Variants in RORB observed in about 807,000 individuals in gnomAD.
RORB encodes RAR related orphan receptor B.
A neutral mutation model predicts 59.1 loss-of-function variants in RORB; 6 were observed. The ratio of observed to expected loss-of-function variants is 0.10; its 90% CI spans 0.06 to 0.20. The LOEUF is 0.20. Among genes scored for constraint, RORB ranks in the 10% least tolerant of loss-of-function variants. The probability of loss-of-function intolerance (pLI) is 1.00; values close to 1 mark genes in which losing one functional copy is unlikely to be tolerated. For synonymous variants in RORB, 215 were observed against 204.5 expected, an observed-to-expected ratio of 1.05 and a Z score of -0.44; for missense variants, 320 against 560.5, an observed-to-expected ratio of 0.57 and a Z score of 4.33.
chr9:74,593,525 G>A (rs143932821), intron 1 of RORB, among the ~76,000 whole-genome samples: 54 of 150,954 alleles, frequency 3.6e-4, no homozygotes, highest in African/African-American at 1.2e-3. Flanking sequence ...AAAATAGGTA[G>A]CAAAGTTCAT....
chr9:74,634,169 C>G (rs143141079), intron 2 of RORB, among the ~76,000 whole-genome samples: 1 of 151,582 alleles, frequency 6.6e-6, no homozygotes, highest in African/African-American at 2.4e-5. Flanking sequence ...ACTAAGAAAA[C>G]AGTAGTGCAT....
chr9:74,630,441 GT>G, intron 2 of RORB, 74 bp downstream of exon 2: 1 of 958,204 alleles, frequency 1.0e-6, no homozygotes, highest in Non-Finnish European at 1.4e-6. Flanking sequence ...GCGGTGACAC[GT>G]TTTTAAGGAA....
intron 1 of RORB, among the ~76,000 whole-genome samples, chr9:74,567,168 C>A (rs972013145): frequency 6.6e-6 from 1 of 151,986 alleles, no homozygotes; most frequent in Admixed American, 6.6e-5. Context: ...TGGAAATACA[C>A]GCACACACCA....
At chr9:74,602,050 G>C (rs1171234032) in intron 1 of RORB, among the ~76,000 whole-genome samples, 1 of 152,072 alleles carries the variant, frequency 6.6e-6, no homozygotes, top group Non-Finnish European at 1.5e-5. Context: ...CTGAGCCAGG[G>C]GCCCCACTAT....
intron 1 of RORB, among the ~76,000 whole-genome samples, chr9:74,507,579 A>G (rs1363682516): frequency 6.6e-6 from 1 of 152,066 alleles, no homozygotes; most frequent in Non-Finnish European, 1.5e-5. Context: ...TAAAAATGTT[A>G]GCATATAGCT....
At chr9:74,591,462 A>G (rs563827283) in intron 1 of RORB, among the ~76,000 whole-genome samples, 1 of 152,374 alleles carries the variant, frequency 6.6e-6, no homozygotes, top group South Asian at 2.1e-4. Context: ...CACTGTAGTT[A>G]CAAAGAAAAG....
intron 1 of RORB, among the ~76,000 whole-genome samples, chr9:74,626,523 C>T (rs1273486654): frequency 6.6e-6 from 1 of 152,188 alleles, no homozygotes; most frequent in Admixed American, 6.5e-5. Flanking sequence ...CAAGCCATCT[C>T]TCAGGGCATT....
At position 74,656,411 on chromosome 9, in the gene RORB, A is replaced by G. The variant is rs73547396; in HGVS notation, c.638-4206A>G. Among the ~76,000 whole-genome samples, 554 of 152,262 alleles carry G rather than the reference A, an allele frequency of 3.6e-3. 3 individuals carry two copies. Among genetic ancestry groups the G allele is most frequent in the African/African-American group, 0.013 (540 of 41,548 alleles). On this transcript the variant is annotated intron_variant, in intron 4 of 9. Transcript: ENST00000376896. ...TTCATGTACTCACTAATGCCATCTCATCTTTGCCATGACTAAAGTCACCTT... is the reference window on the plus strand; with the variant it reads ...TTCATGTACTCACTAATGCCATCTCGTCTTTGCCATGACTAAAGTCACCTT...
intron 3 of RORB, among the ~76,000 whole-genome samples, chr9:74,640,252 G>GT (rs1787856899): frequency 6.6e-6 from 1 of 152,022 alleles, no homozygotes; most frequent in Non-Finnish European, 1.5e-5. Flanking sequence ...GTTTTGTTTT[G>GT]TTTTTTGAGA....
chr9:74,639,441 T>C (rs1676879401), intron 3 of RORB, among the ~76,000 whole-genome samples: 1 of 151,898 alleles, frequency 6.6e-6, no homozygotes, highest in Non-Finnish European at 1.5e-5. Flanking sequence ...CAATCAGTCA[T>C]CTACAAAGTA....
intron 1 of RORB, among the ~76,000 whole-genome samples, chr9:74,592,874 C>A (rs1822920315): frequency 1.3e-5 from 2 of 152,148 alleles, no homozygotes; most frequent in Admixed American, 6.5e-5. Context: ...TGCACATGCA[C>A]ACGCACACAC....
intron 1 of RORB, among the ~76,000 whole-genome samples, chr9:74,524,129 T>C (rs1482281871): frequency 6.6e-6 from 1 of 150,548 alleles, no homozygotes; most frequent in Non-Finnish European, 1.5e-5. Context: ...CAACCAGTAA[T>C]TCCAGTATAG....
At chr9:74,549,581 GAAGGAAGGAAGGAAGGAAGGAAGGAAGA>G (rs1281725760) in intron 1 of RORB, among the ~76,000 whole-genome samples, 5,359 of 90,850 alleles carry the variant, frequency 0.059, 508 homozygotes, top group African/African-American at 0.091. Context: ...AGGAAGGAAG[GAAGGAAGGAAGGAAGGAAGGAAGGAAGA>G]AAGGAAGGAA....
intron 1 of RORB, among the ~76,000 whole-genome samples, chr9:74,523,791 C>T (rs1223254665): frequency 6.6e-6 from 1 of 151,760 alleles, no homozygotes; most frequent in Non-Finnish European, 1.5e-5. Context: ...CTTTTGTTTC[C>T]TGTTGAATCT....
chr9:74,517,868 G>A (rs944214364), intron 1 of RORB, among the ~76,000 whole-genome samples: 2 of 151,938 alleles, frequency 1.3e-5, no homozygotes, highest in Admixed American at 6.6e-5. Flanking sequence ...TATGTGAAAG[G>A]CACTGTGCTA....
chr9:74,535,052 C>T (rs879202048), intron 1 of RORB, among the ~76,000 whole-genome samples: 1 of 152,016 alleles, frequency 6.6e-6, no homozygotes, highest in Non-Finnish European at 1.5e-5. Context: ...GTTGTGACAG[C>T]GCATCACAAG....
At position 74,672,928 on chromosome 9, in the gene RORB, ACT is replaced by A. The variant is rs533827905; in HGVS notation, c.1224+1030_1224+1031del. On this transcript the variant is annotated intron_variant, in intron 9 of 9. Coordinates refer to ENST00000376896, the MANE Select transcript of RORB (RefSeq NM_006914.4). ...TGTTTTAAAAAGGGGGATGGTAAAG[ACT>A]CTATTTGGAGACACCATCAGATTTT... Among the ~76,000 whole-genome samples, 19 of 152,214 alleles carry A rather than the reference ACT, an allele frequency of 1.2e-4. No homozygotes were observed. The East Asian group carries it at 3.7e-3, about 29-fold the overall frequency.
chr9:74,660,758 G>A lies in RORB; in HGVS notation c.759+20G>A. ...AGCAAGGTACTCTGGGAAACCATGA[G>A]AAAGTTTTTCTGTGATTACCCTATT... On this transcript the variant is annotated intron_variant, in intron 5 of 9. Coordinates refer to ENST00000376896, the MANE Select transcript of RORB (RefSeq NM_006914.4). 3.1e-6 allele frequency: 5 copies of A among 1,605,784 alleles called. No homozygotes were observed. The highest frequency in any genetic ancestry group is 4.2e-6 in the Non-Finnish European group (5 of 1,177,272).
chr9:74,498,287 T>C, intron 1 of RORB: 1 of 440,544 alleles, frequency 2.3e-6, no homozygotes. Flanking sequence ...CGCTCTCGGG[T>C]GCGGAAGCGG....
Sources: gnomAD v4.1 joint callset for allele counts (sites outside exome capture counted in the v4.1 genomes callset) on GRCh38, gnomAD v4.1.1 for gene constraint, MANE v1.5 for transcripts, NCBI Gene and HGNC (gene_info 2026-07-23, HGNC 2026-07-21) for gene names.